KIF26A: variants seen among roughly 807,000 people sequenced by gnomAD.
KIF26A encodes the protein kinesin-like protein KIF26A.
Under a neutral mutation model 126.0 loss-of-function variants are expected in KIF26A, and 74 were observed. That is an observed-to-expected ratio of 0.59 (90% CI 0.49 to 0.71). KIF26A has a LOEUF of 0.71. KIF26A is among the 30% of genes least tolerant of loss of function. The pLI, the probability that KIF26A is intolerant of heterozygous loss-of-function variation, is 0.00. For synonymous variants in KIF26A, 1,445 were observed against 1,232.7 expected (o/e 1.17, Z -3.61); for missense variants, 2,984 against 2,763.3 (o/e 1.08, Z -1.79).
intron 4 of KIF26A, among the ~76,000 whole-genome samples, chr14:104,165,187 G>A (rs373733689): frequency 0.011 from 1,591 of 140,944 alleles, 31 homozygotes; most frequent in African/African-American, 0.042. Flanking sequence ...CTGTGTTTCT[G>A]TATGCATGTG....
chr14:104,156,592 CCGGCCA>C (rs1566857763), intron 3 of KIF26A, among the ~76,000 whole-genome samples: 7 of 137,100 alleles, frequency 5.1e-5, no homozygotes, highest in African/African-American at 8.8e-5. Context: ...GAAGCTGGTA[CCGGCCA>C]TGGGTTGGGC....
In KIF26A at chr14:104,177,873, C is replaced by G; in HGVS notation, c.5085C>G (p.Leu1695=). ...AASPGARTRS[L]KSPKKRATGL... is the part of the protein sequence containing the mutation. ...CCCCAGGCGCCCGCACCCGCAGCCT[C>G]AAGTCCCCCAAGAAGAGGGCCACAG... Residue 1695 remains leucine, a synonymous_variant, in exon 12 of 15, where the codon CTC becomes CTG. Coordinates refer to ENST00000423312, the MANE Select transcript of KIF26A (RefSeq NM_015656.2). The G allele has an allele frequency of 6.5e-7, 1 of 1,548,652 alleles. No homozygotes were observed. The highest frequency in any genetic ancestry group is 1.2e-5 in the South Asian group (1 of 83,426).
intron 2 of KIF26A, among the ~76,000 whole-genome samples, chr14:104,141,567 TCCG>T (rs1295367398): frequency 8.0e-5 from 12 of 150,714 alleles, no homozygotes; most frequent in Non-Finnish European, 4.4e-5. Context: ...CCTGCCTGTC[TCCG>T]TTGTAGAGGG....
chr14:104,161,263 T>G lies in KIF26A; in HGVS notation c.923+3321T>G, dbSNP rs111371168. On this transcript the variant is annotated intron_variant, in intron 4 of 14. Transcript: ENST00000423312. ...TCCCCCGATGCCTGCCCTGGTTCCT[T>G]GGTGGGGCAGGTCCGGCAGGTGGCA... Among the ~76,000 whole-genome samples, 451 of 94,456 alleles carry G rather than the reference T, an allele frequency of 4.8e-3. 3 individuals are homozygous for G. The highest frequency in any genetic ancestry group is 0.018 in the African/African-American group (433 of 24,172). 62.0% of individuals were successfully genotyped at this position (94,456 alleles called of 152,430 possible).
rs2037729465 is a variant in KIF26A, at chr14:104,151,557, A to G, written c.289-458A>G. 6.6e-6 allele frequency among the ~76,000 whole-genome samples: 1 copy of G among 152,180 alleles called. No individual in the cohort carries two copies. Among genetic ancestry groups the G allele is most frequent in the Non-Finnish European group, 1.5e-5 (1 of 68,030 alleles). ...TCCACCTGCCCCACCGGGGCTGGAGACCTGAAGAGGAAGGGAGAGGGTCTC... is the reference window on the plus strand; with the variant it reads ...TCCACCTGCCCCACCGGGGCTGGAGGCCTGAAGAGGAAGGGAGAGGGTCTC... On this transcript the variant is annotated intron_variant, in intron 2 of 14. Coordinates refer to ENST00000423312, the MANE Select transcript of KIF26A (RefSeq NM_015656.2). This position sits in a 1 kb window ranked among gnomAD's most constrained non-coding sequence, Gnocchi z 4.9.
rs2254205 is a variant in KIF26A, at chr14:104,174,144, G to C, written c.2031-4G>C. 395,893 of 1,556,028 alleles carry C rather than the reference G, an allele frequency of 0.25. 53,739 individuals are homozygous for C. The highest frequency in any genetic ancestry group is 0.5 in the African/African-American group (36,327 of 73,202). ...CTTGGCATCTGAACCGCCTCGACCC[G>C]CAGGGACCACAGGCTCACCATGCTG... On this transcript the variant is annotated splice_region_variant and splice_polypyrimidine_tract_variant and intron_variant, in intron 10 of 14. Transcript: ENST00000423312.
chr14:104,139,725 C>T (rs982770161), intron 2 of KIF26A, among the ~76,000 whole-genome samples: 4 of 152,184 alleles, frequency 2.6e-5, no homozygotes, highest in African/African-American at 4.8e-5. Flanking sequence ...TACCTGGGGC[C>T]GGGGGGCCTG....
rs1362179105 is a variant in KIF26A, at chr14:104,148,968, C to G, written c.289-3047C>G. Among the ~76,000 whole-genome samples, 1 of 152,126 alleles carries G rather than the reference C, an allele frequency of 6.6e-6. No homozygotes were observed. The highest frequency in any genetic ancestry group is 2.4e-5 in the African/African-American group (1 of 41,434). On this transcript the variant is annotated intron_variant, in intron 2 of 14. Coordinates refer to ENST00000423312, the MANE Select transcript of KIF26A (RefSeq NM_015656.2). This position sits in a 1 kb window ranked among gnomAD's most constrained non-coding sequence, Gnocchi z 4.3. Reference sequence around the variant, plus strand: ...TCCTGCAAATAGGAGGTCTCGGGTCCTCTGGGCTGGGCTGTGTGGCTCTGA... The same window carrying G: ...TCCTGCAAATAGGAGGTCTCGGGTCGTCTGGGCTGGGCTGTGTGGCTCTGA...
intron 2 of KIF26A, among the ~76,000 whole-genome samples, chr14:104,141,336 C>G (rs190227490): frequency 6.6e-6 from 1 of 152,176 alleles, no homozygotes; most frequent in African/African-American, 2.4e-5. Context: ...GGGCCCGTTT[C>G]GTATTTTTTA....
intron 5 of KIF26A, among the ~76,000 whole-genome samples, chr14:104,167,841 G>A (rs183892102): frequency 2.2e-4 from 33 of 148,522 alleles, no homozygotes; most frequent in African/African-American, 6.1e-4. Flanking sequence ...CCAGCACCCC[G>A]AAAGCACTGC....
chr14:104,166,913 G>A lies in KIF26A; in HGVS notation c.978G>A (p.Pro326=), dbSNP rs202037380. 260 of 1,593,088 alleles carry A rather than the reference G, an allele frequency of 1.6e-4. 3 individuals are homozygous for A. The highest frequency in any genetic ancestry group is 3.0e-4 in the South Asian group (26 of 87,618). Residue 326 remains proline (P), a synonymous_variant, in exon 5 of 15, where the codon CCG becomes CCA. Transcript: ENST00000423312. The part of the protein sequence containing the change: ...ASKRKKPHPP[P]PPATRGTSTY... ...AGAGGAAGAAGCCCCACCCGCCACC[G>A]CCTCCAGCCACCCGCGGCACCTCCA...
chr14:104,154,441 C>A (rs955086930), intron 3 of KIF26A, among the ~76,000 whole-genome samples: 1 of 152,188 alleles, frequency 6.6e-6, no homozygotes, highest in Non-Finnish European at 1.5e-5. Flanking sequence ...ACAGGTGGGG[C>A]CTGGAACATC....
chr14:104,172,674 C>A lies in KIF26A; in HGVS notation c.1420+6C>A. 1 of 1,604,266 alleles carries A rather than the reference C, an allele frequency of 6.2e-7. No homozygotes were observed. The highest frequency in any genetic ancestry group is 8.5e-7 in the Non-Finnish European group (1 of 1,172,372). On this transcript the variant is annotated splice_donor_region_variant and intron_variant, in intron 7 of 14. Transcript: ENST00000423312. ...CTTTGGCCACATGAGCCTGGGTAAG[C>A]ACCCTTGCCCCACCCTAGATGGGTC...
In KIF26A at chr14:104,176,919, G is replaced by A. The variant is rs752014760; in HGVS notation, c.4131G>A (p.Pro1377=). ...CCAGCCTGGAGCAGAGGAGCAGCCC[G>A]GCCTCGGCCCCTCCGCATGCTGTGA... ...RKSSLEQRSS[P]ASAPPHAVNP... The change falls in exon 12 of 15, where the codon CCG becomes CCA. Residue 1377 remains proline (P), a synonymous_variant. Coordinates refer to ENST00000423312, the MANE Select transcript of KIF26A (RefSeq NM_015656.2). The A allele has an allele frequency of 2.8e-5, 42 of 1,520,374 alleles. No individual in the cohort carries two copies. The highest frequency in any genetic ancestry group is 1.4e-4 in the African/African-American group (10 of 72,414). The allele number at this position is 1,520,374 out of a possible 1,614,324, so 94.2% of individuals were successfully genotyped here.
At chr14:104,141,553 T>A (rs1156840903) in intron 2 of KIF26A, among the ~76,000 whole-genome samples, 2 of 145,782 alleles carry the variant, frequency 1.4e-5, no homozygotes, top group Non-Finnish European at 3.0e-5. Context: ...CCTGCCAGGG[T>A]CTCCCTGCCT....
intron 3 of KIF26A, among the ~76,000 whole-genome samples, chr14:104,155,223 T>TG (rs1016093494): frequency 1.3e-4 from 20 of 152,272 alleles, no homozygotes; most frequent in Middle Eastern, 3.4e-3. Context: ...GGTGTTTATC[T>TG]GGGGGGCTGG....
At chr14:104,163,621 G>A (rs1353068499) in intron 4 of KIF26A, among the ~76,000 whole-genome samples, 5 of 150,496 alleles carry the variant, frequency 3.3e-5, no homozygotes, top group Admixed American at 1.3e-4. Flanking sequence ...CCTCCCTGCC[G>A]CGTTGGGCCC....
chr14:104,174,207 C>A lies in KIF26A; in HGVS notation c.2090C>A (p.Thr697Asn). 1 of 1,586,792 alleles carries A rather than the reference C, an allele frequency of 6.3e-7. No individual in the cohort carries two copies. Among genetic ancestry groups the A allele is most frequent in the Non-Finnish European group, 8.6e-7 (1 of 1,167,782 alleles). The change falls in exon 11 of 15, where the codon ACC (threonine) becomes AAC (asparagine). Residue 697 changes from threonine to asparagine, a missense_variant. Physicochemically the swap from Thr to Asn is moderately conservative, Grantham distance 65. Coordinates refer to ENST00000423312, the MANE Select transcript of KIF26A (RefSeq NM_015656.2). ...ESLATAGCRT[T>N]MIAHVSDAPA... ...CTGGCCACCGCTGGCTGCCGCACCA[C>A]CATGATCGCCCACGTGTCGGATGCG... is the stretch of plus-strand genomic sequence containing the variant.
At position 104,173,824 on chromosome 14, in the gene KIF26A, C is replaced by T. The variant is rs372903323; in HGVS notation, c.1986C>T (p.Ser662=). 54 of 1,601,318 alleles carry T rather than the reference C, an allele frequency of 3.4e-5. No individual in the cohort carries two copies. Among genetic ancestry groups the T allele is most frequent in the Admixed American group, 1.5e-4 (9 of 59,888 alleles). ...PLCLSLSALG[S]VILALVNGAK... ...GTCTGTCCCTGTCGGCCCTGGGCAGCGTCATCTTGGCCCTGGTCAACGGAG... is the reference window on the plus strand; with the variant it reads ...GTCTGTCCCTGTCGGCCCTGGGCAGTGTCATCTTGGCCCTGGTCAACGGAG... Residue 662 remains serine (S), a synonymous_variant, in exon 10 of 15, where the codon AGC becomes AGT. Transcript: ENST00000423312.
Sources: gnomAD v4.1 joint callset for allele counts (sites outside exome capture counted in the v4.1 genomes callset) on GRCh38, gnomAD v4.1.1 for gene constraint, Gnocchi (gnomAD v3.1) non-coding constraint, MANE v1.5 for transcripts, NCBI Gene and HGNC (gene_info 2026-07-23, HGNC 2026-07-21) for gene names.